KIAA1217: variants seen among roughly 807,000 people sequenced by gnomAD.
KIAA1217 encodes sickle tail protein homolog.
A neutral mutation model predicts 163.9 loss-of-function variants in KIAA1217; 88 were observed. The ratio of observed to expected loss-of-function variants is 0.54; its 90% CI spans 0.45 to 0.64. The LOEUF (loss-of-function observed/expected upper bound fraction) is 0.64. Ranked by LOEUF, KIAA1217 falls within the 30% of genes least tolerant of loss-of-function variation. The pLI is 0.00. For missense variants in KIAA1217, 2,372 were observed against 2,475.0 expected (o/e 0.96, Z 0.88); for synonymous variants, 903 against 923.1 (o/e 0.98, Z 0.39).
At chr10:24,393,419 C>T (rs917924223) in intron 3 of KIAA1217, among the ~76,000 whole-genome samples, 1 of 152,120 alleles carries the variant, frequency 6.6e-6, no homozygotes, top group South Asian at 2.1e-4. Context: ...CAGGGAGGAG[C>T]CAGACTTTCC....
chr10:24,451,739 C>A (rs2061389867), intron 5 of KIAA1217, among the ~76,000 whole-genome samples: 1 of 152,214 alleles, frequency 6.6e-6, no homozygotes, highest in African/African-American at 2.4e-5. Context: ...CATCCCTCTG[C>A]CCTTTGATAT....
intron 2 of KIAA1217, among the ~76,000 whole-genome samples, chr10:24,286,101 G>A (rs1022521891): frequency 6.6e-6 from 1 of 152,086 alleles, no homozygotes; most frequent in African/African-American, 2.4e-5. Flanking sequence ...TCAGGTCTAG[G>A]AGCCTTTTGG....
chr10:24,457,751 T>G (rs1023692485), intron 5 of KIAA1217, among the ~76,000 whole-genome samples: 1 of 152,122 alleles, frequency 6.6e-6, no homozygotes, highest in Non-Finnish European at 1.5e-5. Flanking sequence ...AGCATTTTCT[T>G]CACTTGCCTT....
At chr10:24,409,819 C>G (rs981179292) in intron 3 of KIAA1217, among the ~76,000 whole-genome samples, 1 of 151,992 alleles carries the variant, frequency 6.6e-6, no homozygotes, top group African/African-American at 2.4e-5. Flanking sequence ...AGCTCAGCTC[C>G]CATTTATGAG....
intron 2 of KIAA1217, among the ~76,000 whole-genome samples, chr10:24,141,236 C>CA (rs1491471026): frequency 1.5e-5 from 2 of 135,412 alleles, no homozygotes; most frequent in African/African-American, 5.3e-5. Context: ...CCCCCCCCCC[C>CA]CATTTCTCTC....
At chr10:24,231,801 G>GT (rs1203313894) in intron 2 of KIAA1217, among the ~76,000 whole-genome samples, 3,436 of 142,048 alleles carry the variant, frequency 0.024, 74 homozygotes, top group East Asian at 0.058. Flanking sequence ...TCACTCTTGG[G>GT]TTTTTTTTTT....
intron 2 of KIAA1217, among the ~76,000 whole-genome samples, chr10:24,234,532 C>T (rs907305558): frequency 2.0e-5 from 3 of 151,570 alleles, no homozygotes; most frequent in Admixed American, 2.0e-4. Context: ...GGTGTGGTGA[C>T]GCATGCATAT....
chr10:23,751,618 T>G (rs1311084731), intron 1 of KIAA1217, among the ~76,000 whole-genome samples: 2 of 152,196 alleles, frequency 1.3e-5, no homozygotes, highest in African/African-American at 2.4e-5. Context: ...AAATTTCTTC[T>G]TATTTTACTG....
chr10:24,191,268 A>G (rs939150740), intron 2 of KIAA1217, among the ~76,000 whole-genome samples: 9 of 152,210 alleles, frequency 5.9e-5, no homozygotes. Context: ...ATGTGATTTA[A>G]AGACCTGCAT....
chr10:23,944,175 AG>A (rs1186002600), intron 1 of KIAA1217, among the ~76,000 whole-genome samples: 1 of 152,238 alleles, frequency 6.6e-6, no homozygotes, highest in Non-Finnish European at 1.5e-5. Context: ...CTGCAATCCC[AG>A]CACTTAGGGA....
At chr10:24,143,061 G>A (rs1168830593) in intron 2 of KIAA1217, among the ~76,000 whole-genome samples, 3 of 152,170 alleles carry the variant, frequency 2.0e-5, no homozygotes, top group African/African-American at 7.2e-5. Flanking sequence ...ATTCTTTAAG[G>A]TTACAAGGAG....
rs145417366 is a variant in KIAA1217, at chr10:23,806,742, T to C, written c.-321+111508T>C. The stretch of plus-strand genomic sequence containing the variant: ...TAATTTGCATTCCTACTTTTTCTTT[T>C]TGCCGATTCTTTGAAGATTGCAATC... On this transcript the variant is annotated intron_variant, in intron 1 of 18. Coordinates refer to the KIAA1217 transcript ENST00000376462. 9.2e-5 allele frequency among the ~76,000 whole-genome samples: 14 copies of C among 152,360 alleles called. No homozygotes were observed. The East Asian group carries it at 2.7e-3, about 29-fold the overall frequency.
intron 2 of KIAA1217, among the ~76,000 whole-genome samples, chr10:24,136,989 T>C (rs1020127319): frequency 3.9e-5 from 6 of 152,160 alleles, no homozygotes; most frequent in Admixed American, 3.3e-4. Flanking sequence ...GGGTCCAAAG[T>C]AGAGAATCAA....
rs191974003 is a variant in KIAA1217, at chr10:24,094,642, C to A, written c.-171+87268C>A. 6.3e-4 allele frequency among the ~76,000 whole-genome samples: 96 copies of A among 152,338 alleles called. 1 individual carries two copies. The East Asian group carries it at 0.016, about 26-fold the overall frequency. ...CGTGTGAGGTGTCAGTCTGCCCCTA[C>A]TGGGGGATGCCTCCCAGTTAGGCTG... On this transcript the variant is annotated intron_variant, in intron 2 of 18. Transcript: ENST00000376462.
chr10:24,429,338 G>A (rs1307039548), intron 3 of KIAA1217, among the ~76,000 whole-genome samples: 1 of 152,026 alleles, frequency 6.6e-6, no homozygotes, highest in Non-Finnish European at 1.5e-5. Context: ...TACAATCTGC[G>A]ATCTCATGTC....
chr10:24,240,566 G>T (rs760813306), intron 2 of KIAA1217, among the ~76,000 whole-genome samples: 1 of 152,190 alleles, frequency 6.6e-6, no homozygotes, highest in African/African-American at 2.4e-5. Context: ...AGTTCTGGGC[G>T]TTGAGTTCTG....
chr10:24,512,514 G>A (rs929470552), intron 9 of KIAA1217, among the ~76,000 whole-genome samples: 4 of 152,170 alleles, frequency 2.6e-5, no homozygotes, highest in African/African-American at 7.2e-5. Context: ...AAACAAGAAT[G>A]TTCTCGGAAC....
intron 2 of KIAA1217, among the ~76,000 whole-genome samples, chr10:24,231,787 T>G (rs184599279): frequency 6.6e-6 from 1 of 151,944 alleles, no homozygotes; most frequent in Non-Finnish European, 1.5e-5. Flanking sequence ...GACTGATTTA[T>G]TTTTCACTCT....
chr10:24,409,979 C>CT (rs1564631436), intron 3 of KIAA1217, among the ~76,000 whole-genome samples: 1 of 147,204 alleles, frequency 6.8e-6, no homozygotes, highest in Non-Finnish European at 1.5e-5. Flanking sequence ...CTTTTCTTTT[C>CT]TTTTCTTTTT....
Sources: gnomAD v4.1 joint callset for allele counts (sites outside exome capture counted in the v4.1 genomes callset) on GRCh38, gnomAD v4.1.1 for gene constraint, MANE v1.5 for transcripts, NCBI Gene and HGNC (gene_info 2026-07-23, HGNC 2026-07-21) for gene names.